Variants in PRKG1 observed in about 807,000 individuals in gnomAD.
The protein encoded by PRKG1 is protein kinase cGMP-dependent 1.
In PRKG1, 35 loss-of-function variants were observed where a neutral mutation model predicts 88.1. The observed-to-expected ratio is 0.40, with a 90% CI of 0.30 to 0.53. The LOEUF (loss-of-function observed/expected upper bound fraction) is 0.53. PRKG1 is among the 20% of genes least tolerant of loss of function. PRKG1 has a pLI of 0.59. For synonymous variants in PRKG1, 303 were observed against 292.5 expected (o/e 1.04, Z -0.37); for missense variants, 540 against 839.8 (o/e 0.64, Z 4.41).
intron 3 of PRKG1, among the ~76,000 whole-genome samples, chr10:51,731,176 CA>C (rs750941297): frequency 6.6e-6 from 1 of 151,866 alleles, no homozygotes; most frequent in Non-Finnish European, 1.5e-5. Context: ...AACAAACAAA[CA>C]AAAAACCCAC....
chr10:51,522,663 A>G (rs1841764233), intron 3 of PRKG1, among the ~76,000 whole-genome samples: 1 of 152,172 alleles, frequency 6.6e-6, no homozygotes, highest in African/African-American at 2.4e-5. Context: ...GTTCATTGTG[A>G]ATCAGTTTAA....
chr10:51,964,199 A>G (rs1269573390), intron 5 of PRKG1, among the ~76,000 whole-genome samples: 1 of 152,112 alleles, frequency 6.6e-6, no homozygotes, highest in East Asian at 1.9e-4. Context: ...GTTTGGGTTC[A>G]CTGGATAATT....
chr10:51,581,559 A>C (rs554939113), intron 3 of PRKG1, among the ~76,000 whole-genome samples: 1 of 152,256 alleles, frequency 6.6e-6, no homozygotes, highest in South Asian at 2.1e-4. Context: ...TTTCTGGGAT[A>C]GGAATCTTGG....
intron 3 of PRKG1, among the ~76,000 whole-genome samples, chr10:51,575,090 A>G (rs1002646576): frequency 6.6e-6 from 1 of 152,004 alleles, no homozygotes; most frequent in Non-Finnish European, 1.5e-5. Flanking sequence ...CACGGCTACA[A>G]GTGAGAGCTG....
chr10:51,609,229 A>G (rs181858049), intron 3 of PRKG1, among the ~76,000 whole-genome samples: 6 of 152,152 alleles, frequency 3.9e-5, no homozygotes, highest in African/African-American at 1.4e-4. Flanking sequence ...GTGTTTAAAA[A>G]ATCTACTATA....
chr10:51,639,499 A>G (rs1387525698), intron 3 of PRKG1, among the ~76,000 whole-genome samples: 1 of 145,480 alleles, frequency 6.9e-6, no homozygotes, highest in African/African-American at 2.5e-5. Context: ...TAAAAAAAAG[A>G]CTGGAGTGAG....
chr10:51,130,430 T>C (rs879339646), intron 1 of PRKG1, among the ~76,000 whole-genome samples: 3 of 152,222 alleles, frequency 2.0e-5, no homozygotes, highest in East Asian at 1.9e-4. Flanking sequence ...CAGTCTAGTA[T>C]AGCTCGGCTC....
At chr10:51,655,837 T>C (rs937037550) in intron 3 of PRKG1, among the ~76,000 whole-genome samples, 2 of 152,150 alleles carry the variant, frequency 1.3e-5, no homozygotes, top group Non-Finnish European at 2.9e-5. Context: ...GTTAAAACTT[T>C]GAAAATCAAA....
chr10:52,062,018 G>A (rs1021119961), intron 6 of PRKG1, among the ~76,000 whole-genome samples: 1 of 151,836 alleles, frequency 6.6e-6, no homozygotes, highest in Non-Finnish European at 1.5e-5. Context: ...TAGGATATGG[G>A]TAAGTAAATA....
intron 3 of PRKG1, among the ~76,000 whole-genome samples, chr10:51,502,294 A>G (rs919880405): frequency 6.6e-6 from 1 of 152,090 alleles, no homozygotes; most frequent in Non-Finnish European, 1.5e-5. Flanking sequence ...GAATAATCCT[A>G]TCCCTGGTGT....
At chr10:51,152,976 C>CTTTTTTT (rs1283273580) in intron 1 of PRKG1, among the ~76,000 whole-genome samples, 188 bp from the exon 2 acceptor site, 10 of 112,658 alleles carry the variant, frequency 8.9e-5, no homozygotes, top group Non-Finnish European at 9.1e-5. Flanking sequence ...TTCTTAGTGC[C>CTTTTTTT]TTTTTTTTTT....
chr10:51,962,658 A>G (rs1361577287), intron 5 of PRKG1, among the ~76,000 whole-genome samples: 1 of 152,078 alleles, frequency 6.6e-6, no homozygotes, highest in African/African-American at 2.4e-5. Context: ...ATATAATTTA[A>G]CTAATGTAAT....
At chr10:51,134,865 G>C (rs780197781) in intron 1 of PRKG1, among the ~76,000 whole-genome samples, 1 of 152,018 alleles carries the variant, frequency 6.6e-6, no homozygotes, top group African/African-American at 2.4e-5. Context: ...ATTGTTAATC[G>C]TAGAAAAGTA....
chr10:51,343,225 A>G (rs34453021), intron 2 of PRKG1, among the ~76,000 whole-genome samples: 10,981 of 152,028 alleles, frequency 0.072, 475 homozygotes, highest in Middle Eastern at 0.12. Flanking sequence ...TTTTCCTTCC[A>G]TCCCCACTAT....
Position 51,564,153 on chromosome 10 carries a change from C to T in PRKG1, c.592+96317C>T, listed in dbSNP as rs191626997. ...GCATCAGGAAATCATTATTGCATAC[C>T]TACTACGTGCTGGGTACTTTTTTAT... On this transcript the variant is annotated intron_variant, in intron 3 of 17. Transcript: ENST00000373980. Among the ~76,000 whole-genome samples the T allele has an allele frequency of 2.3e-3, 343 of 152,052 alleles. 1 individual carries two copies. Among genetic ancestry groups the T allele is most frequent in the Non-Finnish European group, 4.0e-3 (274 of 67,982 alleles).
At chr10:51,632,831 T>C (rs1340719513) in intron 3 of PRKG1, among the ~76,000 whole-genome samples, 2 of 152,178 alleles carry the variant, frequency 1.3e-5, no homozygotes, top group East Asian at 3.8e-4. Flanking sequence ...ATTTGGAATA[T>C]GGTGAGTCCA....
intron 4 of PRKG1, among the ~76,000 whole-genome samples, chr10:51,829,552 G>A (rs1035988867): frequency 6.6e-6 from 1 of 152,172 alleles, no homozygotes; most frequent in Non-Finnish European, 1.5e-5. Flanking sequence ...ATTATTGTTA[G>A]TGTTTGTGTC....
Position 51,802,090 on chromosome 10 carries a change from G to A in PRKG1, c.593-2495G>A, listed in dbSNP as rs186491360. Among the ~76,000 whole-genome samples the A allele has an allele frequency of 1.5e-3, 227 of 152,240 alleles. 2 individuals are homozygous for A. The highest frequency in any genetic ancestry group is 5.3e-3 in the African/African-American group (221 of 41,558). The stretch of plus-strand genomic sequence containing the variant: ...AGAGATATATTTTTGAATGGTCTCT[G>A]TAAGTTAAGGAAGCAATAGATTTAC... On this transcript the variant is annotated intron_variant, in intron 3 of 17. Coordinates refer to ENST00000373980, the MANE Select transcript of PRKG1 (RefSeq NM_006258.4).
intron 4 of PRKG1, among the ~76,000 whole-genome samples, chr10:51,846,987 A>G (rs1018698150): frequency 6.6e-6 from 1 of 152,194 alleles, no homozygotes; most frequent in African/African-American, 2.4e-5. Flanking sequence ...CATCTTTAAA[A>G]AAATAAAGTA....
Sources: allele counts gnomAD v4.1 joint callset (sites outside exome capture counted in the v4.1 genomes callset), GRCh38; gene constraint gnomAD v4.1.1; transcripts MANE v1.5; gene names NCBI Gene and HGNC (gene_info 2026-07-23, HGNC 2026-07-21).